Variants in GPC5 observed in about 807,000 individuals in gnomAD.
GPC5 encodes glypican-5.
Under a neutral mutation model 53.9 loss-of-function variants are expected in GPC5, and 47 were observed. The ratio of observed to expected loss-of-function variants is 0.87; its 90% CI spans 0.69 to 1.11. The LOEUF (loss-of-function observed/expected upper bound fraction) is 1.11. Among genes scored for constraint, GPC5 ranks in the 50% most tolerant of loss-of-function variants. The probability of loss-of-function intolerance (pLI) is 0.00; values close to 1 mark genes in which losing one functional copy is unlikely to be tolerated. For synonymous variants in GPC5, 286 were observed against 263.3 expected (o/e 1.09, Z -0.84); for missense variants, 748 against 713.1 (o/e 1.05, Z -0.56).
chr13:91,487,378 C>T (rs1883669970), intron 2 of GPC5, among the ~76,000 whole-genome samples: 1 of 152,162 alleles, frequency 6.6e-6, no homozygotes, highest in Non-Finnish European at 1.5e-5. Flanking sequence ...CAATGCGCCT[C>T]AGAGACAGAC....
intron 2 of GPC5, among the ~76,000 whole-genome samples, chr13:91,482,668 C>T (rs528368977): frequency 2.0e-5 from 3 of 152,304 alleles, no homozygotes; most frequent in Non-Finnish European, 2.9e-5. Flanking sequence ...GGAATGTCAT[C>T]GCCGTGGGAG....
chr13:92,397,638 CT>C (rs1277209238), intron 7 of GPC5, among the ~76,000 whole-genome samples: 1 of 152,142 alleles, frequency 6.6e-6, no homozygotes, highest in African/African-American at 2.4e-5. Context: ...TGATGGTTTC[CT>C]CTGCAATCTC....
At chr13:92,223,234 A>G (rs542561512) in intron 7 of GPC5, among the ~76,000 whole-genome samples, 1 of 152,320 alleles carries the variant, frequency 6.6e-6, no homozygotes, top group South Asian at 2.1e-4. Flanking sequence ...GAAACTTGAA[A>G]GGCTTCTTAC....
At chr13:92,439,644 T>A (rs1566591001) in intron 7 of GPC5, among the ~76,000 whole-genome samples, 1 of 152,094 alleles carries the variant, frequency 6.6e-6, no homozygotes, top group Non-Finnish European at 1.5e-5. Context: ...AATAAATGTA[T>A]GTTTTTAAAA....
At position 92,071,061 on chromosome 13, in the gene GPC5, C is replaced by A. The variant is rs1338631313; in HGVS notation, c.1402-73769C>A. The stretch of plus-strand genomic sequence containing the variant: ...GACCATCCTGGCCAACATGGTTAAA[C>A]CCTGTCTCTACTAAAAATACAAAAA... On this transcript the variant is annotated intron_variant, in intron 6 of 7. Coordinates refer to ENST00000377067, the MANE Select transcript of GPC5 (RefSeq NM_004466.6). Among the ~76,000 whole-genome samples, 71 of 152,110 alleles carry A rather than the reference C, an allele frequency of 4.7e-4. 1 individual carries two copies. Among genetic ancestry groups the A allele is most frequent in the Non-Finnish European group, 1.9e-4 (13 of 67,984 alleles).
intron 3 of GPC5, among the ~76,000 whole-genome samples, chr13:91,695,366 A>G (rs950210857): frequency 1.3e-5 from 2 of 151,872 alleles, no homozygotes; most frequent in East Asian, 1.9e-4. Flanking sequence ...TGCTCTTATT[A>G]TTATTATTAT....
intron 7 of GPC5, among the ~76,000 whole-genome samples, chr13:92,411,297 T>C (rs1876033408): frequency 6.6e-6 from 1 of 152,068 alleles, no homozygotes; most frequent in South Asian, 2.1e-4. Context: ...GAATGCTTAC[T>C]TGAGATATGG....
intron 2 of GPC5, among the ~76,000 whole-genome samples, chr13:91,569,534 T>C (rs375005818): frequency 2.0e-4 from 31 of 152,252 alleles, no homozygotes; most frequent in African/African-American, 7.2e-4. Flanking sequence ...TTTGCCCCAT[T>C]GGAGGTGGTA....
chr13:91,761,593 T>C (rs2037414201), intron 5 of GPC5, among the ~76,000 whole-genome samples: 1 of 152,130 alleles, frequency 6.6e-6, no homozygotes, highest in South Asian at 2.1e-4. Context: ...ATGGAGCAGC[T>C]CATGGAATTC....
intron 2 of GPC5, among the ~76,000 whole-genome samples, chr13:91,628,457 G>A (rs1043839410): frequency 2.0e-4 from 30 of 149,010 alleles, no homozygotes; most frequent in Admixed American, 1.1e-3. Flanking sequence ...ATGTTTAACC[G>A]TAGCTACCTA....
chr13:92,312,465 T>A (rs1025831951), intron 7 of GPC5, among the ~76,000 whole-genome samples: 1 of 152,188 alleles, frequency 6.6e-6, no homozygotes, highest in Non-Finnish European at 1.5e-5. Context: ...GAAAGGAGGT[T>A]GATTATATGA....
intron 7 of GPC5, among the ~76,000 whole-genome samples, chr13:92,212,419 T>C (rs1019016538): frequency 6.6e-6 from 1 of 152,156 alleles, no homozygotes; most frequent in Admixed American, 6.6e-5. Context: ...CTTCTATTAT[T>C]AGTAATAATG....
chr13:91,931,408 C>G (rs1328644034), intron 6 of GPC5, among the ~76,000 whole-genome samples: 1 of 151,998 alleles, frequency 6.6e-6, no homozygotes, highest in Non-Finnish European at 1.5e-5. Flanking sequence ...AGCATTGATA[C>G]AGTGTGGAGC....
chr13:92,362,624 C>T (rs545320662), intron 7 of GPC5, among the ~76,000 whole-genome samples: 2 of 151,882 alleles, frequency 1.3e-5, no homozygotes, highest in African/African-American at 4.9e-5. Context: ...AATCTCAGCA[C>T]ATAATTCACC....
intron 5 of GPC5, among the ~76,000 whole-genome samples, chr13:91,891,163 A>ATACT (rs1566326108): frequency 6.6e-6 from 1 of 152,220 alleles, no homozygotes. Flanking sequence ...GAACTTGAAT[A>ATACT]TACTTACAGA....
chr13:92,131,402 A>G (rs1179764628), intron 6 of GPC5, among the ~76,000 whole-genome samples: 6 of 152,184 alleles, frequency 3.9e-5, no homozygotes, highest in African/African-American at 1.2e-4. Flanking sequence ...AAGATATTCA[A>G]TTAGCGTTAT....
chr13:91,963,900 C>T (rs563646157), intron 6 of GPC5, among the ~76,000 whole-genome samples: 1 of 152,230 alleles, frequency 6.6e-6, no homozygotes, highest in East Asian at 1.9e-4. Context: ...CAAGTTAATG[C>T]TTTTACACTG....
chr13:91,538,742 T>G (rs1886706948), intron 2 of GPC5, among the ~76,000 whole-genome samples: 1 of 151,756 alleles, frequency 6.6e-6, no homozygotes, highest in African/African-American at 2.4e-5. Context: ...GCCACGACGC[T>G]GGGCTGATTT....
At chr13:91,496,575 A>G (rs1384969388) in intron 2 of GPC5, among the ~76,000 whole-genome samples, 1 of 152,202 alleles carries the variant, frequency 6.6e-6, no homozygotes, top group Non-Finnish European at 1.5e-5. Context: ...GCAAAAAATT[A>G]AAACAATTGA....
Sources: gnomAD v4.1 joint callset for allele counts (sites outside exome capture counted in the v4.1 genomes callset) on GRCh38, gnomAD v4.1.1 for gene constraint, MANE v1.5 for transcripts, NCBI Gene and HGNC (gene_info 2026-07-23, HGNC 2026-07-21) for gene names.